Variants in GRID2IP observed in about 807,000 individuals in gnomAD.
GRID2IP encodes delphilin.
GRID2IP carries 78 observed loss-of-function variants against 114.3 expected under a neutral mutation model. The ratio of observed to expected loss-of-function variants is 0.68; its 90% CI spans 0.57 to 0.82. GRID2IP has a LOEUF of 0.82. Among genes scored for constraint, GRID2IP ranks in the 40% least tolerant of loss-of-function variants. The probability of loss-of-function intolerance (pLI) is 0.00; values close to 1 mark genes in which losing one functional copy is unlikely to be tolerated. For synonymous variants in GRID2IP, 809 were observed against 724.0 expected (o/e 1.12, Z -1.89); for missense variants, 1,727 against 1,678.5 (o/e 1.03, Z -0.51).
intron 2 of GRID2IP, among the ~76,000 whole-genome samples, chr7:6,537,221 C>G (rs1779740785): frequency 6.6e-6 from 1 of 151,968 alleles, no homozygotes; most frequent in Non-Finnish European, 1.5e-5. Context: ...AGGTGAGGAC[C>G]CACCAGTATT....
intron 4 of GRID2IP, among the ~76,000 whole-genome samples, chr7:6,522,190 G>C (rs1474503325): frequency 1.3e-5 from 2 of 151,832 alleles, no homozygotes; most frequent in African/African-American, 4.8e-5. Context: ...TCTCTACCAA[G>C]AAAAAAAATA....
intron 2 of GRID2IP, among the ~76,000 whole-genome samples, chr7:6,533,131 T>A (rs1779663837): frequency 6.6e-6 from 1 of 152,164 alleles, no homozygotes. Flanking sequence ...ACAGGGGTTG[T>A]GCTACTGGCA....
At chr7:6,502,752 A>G in intron 18 of GRID2IP, 34 bp downstream of exon 18, 1 of 1,492,562 alleles carries the variant, frequency 6.7e-7, no homozygotes. Context: ...CTGGTAGAGC[A>G]AACCAGTCGA....
At chr7:6,529,048 G>A (rs985205179) in intron 2 of GRID2IP, among the ~76,000 whole-genome samples, 8 of 152,104 alleles carry the variant, frequency 5.3e-5, no homozygotes, top group African/African-American at 1.7e-4. Flanking sequence ...CCTCACTTCC[G>A]GCTCCAGCCA....
Position 6,503,526 on chromosome 7 carries a change from C to G in GRID2IP, c.2872G>C (p.Gly958Arg). Residue 958 changes from glycine to arginine, a missense_variant, in exon 16 of 22, where the codon GGC becomes CGC. Transcript: ENST00000457091. ...AACTGGTCCGGCTCGCTGAGGCGGCCGGGCGCCTCGCGGAAGGCCTGGTAG... is the reference window on the plus strand; with the variant it reads ...AACTGGTCCGGCTCGCTGAGGCGGCGGGGCGCCTCGCGGAAGGCCTGGTAG... ...QRYQAFREAPGRLSEPDQFVL... is the reference protein window; with the variant it reads ...QRYQAFREAPRRLSEPDQFVL... 6.6e-7 allele frequency: 1 copy of G among 1,525,958 alleles called. No individual in the cohort carries two copies. The allele number at this position is 1,525,958 out of a possible 1,614,324, so 94.5% of individuals were successfully genotyped here.
rs556727116 is a variant in GRID2IP, at chr7:6,509,296, C to G, written c.1789G>C (p.Gly597Arg). ...AVTTGPRTLS[G>R]VSWPSERLLP... is the part of the protein sequence containing the mutation. ...AGTCGCTCGCTGGGCCATGAGACGC[C>G]GGACAGGGTCCTGGGCCCTGGAGGA... Residue 597 changes from glycine to arginine, a missense_variant, in exon 12 of 22, where the codon GGC becomes CGC. Physicochemically the swap from Gly to Arg is moderately radical, Grantham distance 125. Coordinates refer to ENST00000457091, the MANE Select transcript of GRID2IP (RefSeq NM_001145118.2). This position sits in a 1 kb window ranked among gnomAD's most constrained non-coding sequence, Gnocchi z 4.9. 3.9e-6 allele frequency: 6 copies of G among 1,521,246 alleles called. No individual in the cohort carries two copies. In the African/African-American group the frequency reaches 5.5e-5, roughly 14 times the overall value. 94.2% of individuals were successfully genotyped at this position (1,521,246 alleles called of 1,614,324 possible).
intron 1 of GRID2IP, among the ~76,000 whole-genome samples, chr7:6,545,270 C>A (rs1000696711): frequency 6.6e-6 from 1 of 152,038 alleles, no homozygotes; most frequent in Non-Finnish European, 1.5e-5. Flanking sequence ...CAGATCAAGA[C>A]CCTGTCTCCA....
rs1277440956 is a variant in GRID2IP, at chr7:6,503,626, C to T, written c.2772G>A (p.Met924Ile). Reference sequence around the variant, plus strand: ...GTGCGGGCTCCAGGCGCCGGGGCTCCATGCTCATCAGCACCTGGCGCAGCT... The same window carrying T: ...GTGCGGGCTCCAGGCGCCGGGGCTCTATGCTCATCAGCACCTGGCGCAGCT... ...PAELRQVLMSMEPRRLEPAHL... is the reference protein window; with the variant it reads ...PAELRQVLMSIEPRRLEPAHL... The change falls in exon 16 of 22, where the codon ATG (methionine) becomes ATA (isoleucine). Residue 924 changes from methionine to isoleucine, a missense_variant. Transcript: ENST00000457091. 1 of 1,528,312 alleles carries T rather than the reference C, an allele frequency of 6.5e-7. No individual in the cohort carries two copies. Among genetic ancestry groups the T allele is most frequent in the Admixed American group, 2.0e-5 (1 of 50,526 alleles). 94.7% of individuals were successfully genotyped at this position (1,528,312 alleles called of 1,614,324 possible). A position where few individuals can be genotyped will look rare whatever the true frequency, so the allele number is the denominator to read the frequency against.
chr7:6,532,828 G>A lies in GRID2IP; in HGVS notation c.585-6059C>T, dbSNP rs1186973099. Among the ~76,000 whole-genome samples, 1 of 152,174 alleles carries A rather than the reference G, an allele frequency of 6.6e-6. No individual in the cohort carries two copies. Among genetic ancestry groups the A allele is most frequent in the Non-Finnish European group, 1.5e-5 (1 of 68,024 alleles). On this transcript the variant is annotated intron_variant, in intron 2 of 21. Transcript: ENST00000457091. The surrounding 1 kb of genome is among the most constrained non-coding windows in gnomAD (Gnocchi z 4.4). ...CAGGAGATGCAACCAGGGAGCAGAC[G>A]CCCAGGGTCAAATCCAGGCACGCTA...
In GRID2IP at chr7:6,517,921, A is replaced by G. The variant is rs537533349; in HGVS notation, c.1268+2657T>C. Among the ~76,000 whole-genome samples, 17 of 151,500 alleles carry G rather than the reference A, an allele frequency of 1.1e-4. No individual in the cohort carries two copies. The South Asian group carries it at 2.3e-3, about 20-fold the overall frequency. On this transcript the variant is annotated intron_variant, in intron 7 of 21. Coordinates refer to ENST00000457091, the MANE Select transcript of GRID2IP (RefSeq NM_001145118.2). The stretch of plus-strand genomic sequence containing the variant: ...CTGCTTCAAAATAAATAAATAAATA[A>G]ATAAATAAATAAAATAAAATATACA...
At chr7:6,510,801 T>C in intron 9 of GRID2IP, 95 bp from the exon 10 acceptor site, 2 of 1,474,410 alleles carry the variant, frequency 1.4e-6, no homozygotes, top group Middle Eastern at 1.7e-4. Context: ...GGGCCAATCC[T>C]GAGCCCTGCT....
intron 4 of GRID2IP, among the ~76,000 whole-genome samples, chr7:6,525,195 T>C (rs987443189): frequency 1.3e-5 from 2 of 151,828 alleles, no homozygotes; most frequent in Non-Finnish European, 2.9e-5. Context: ...TAATCTCAGC[T>C]ACTCAGGAGG....
chr7:6,510,428 C>T, intron 10 of GRID2IP, 28 bp from the exon 11 acceptor site: 1 of 1,468,582 alleles, frequency 6.8e-7, no homozygotes, highest in Non-Finnish European at 9.1e-7. Context: ...AGAGTCCAGC[C>T]CATTCTGCTT....
At chr7:6,549,828 A>G (rs1353210382) in intron 1 of GRID2IP, among the ~76,000 whole-genome samples, 1 of 148,920 alleles carries the variant, frequency 6.7e-6, no homozygotes, top group Non-Finnish European at 1.5e-5. Flanking sequence ...ATGGGATTTC[A>G]CCACATTGCC....
rs1159675859 is a variant in GRID2IP at position 6,510,365 on chromosome 7, C to T, written c.1689G>A (p.Leu563=). The T allele has an allele frequency of 3.2e-5, 49 of 1,546,646 alleles. No individual in the cohort carries two copies. Among genetic ancestry groups the T allele is most frequent in the Non-Finnish European group, 4.1e-5 (47 of 1,144,786 alleles). The part of the protein sequence containing the change: ...SAVYAELESR[L]NSSFKGKMGT... ...CCATCTTCCCTTTGAAGCTGCTGTT[C>T]AGTCGAGACTCAAGCTCTGCATAGA... The change falls in exon 11 of 22, where the codon CTG becomes CTA. Residue 563 remains leucine, a synonymous_variant. Transcript: ENST00000457091.
chr7:6,507,378 T>C lies in GRID2IP; in HGVS notation c.2544+607A>G, dbSNP rs1481037500. On this transcript the variant is annotated intron_variant, in intron 13 of 21. Coordinates refer to ENST00000457091, the MANE Select transcript of GRID2IP (RefSeq NM_001145118.2). The surrounding 1 kb of genome is among the most constrained non-coding windows in gnomAD (Gnocchi z 5.3). ...GAAACCATGTTCTAAGAGAATGATC[T>C]GAAAAAAAAAAAAAGGGGTGGGGTG... Among the ~76,000 whole-genome samples, 2 of 133,424 alleles carry C rather than the reference T, an allele frequency of 1.5e-5. No homozygotes were observed. Among genetic ancestry groups the C allele is most frequent in the Admixed American group, 1.6e-4 (2 of 12,752 alleles). 87.5% of individuals were successfully genotyped at this position (133,424 alleles called of 152,430 possible).
intron 10 of GRID2IP, 21 bp from the exon 11 acceptor site, chr7:6,510,421 G>A: frequency 6.7e-7 from 1 of 1,485,394 alleles, no homozygotes; most frequent in Non-Finnish European, 9.0e-7. Context: ...ACGGGGGAGA[G>A]TCCAGCCCAT....
In GRID2IP at chr7:6,509,043, C is replaced by T. The variant is rs1000521206; in HGVS notation, c.2042G>A (p.Arg681His). The change falls in exon 12 of 22, where the codon CGC becomes CAC. Residue 681 changes from arginine (R) to histidine (H), a missense_variant. Coordinates refer to ENST00000457091, the MANE Select transcript of GRID2IP (RefSeq NM_001145118.2). The surrounding 1 kb of genome is among the most constrained non-coding windows in gnomAD (Gnocchi z 4.9). ...SHPVRSRDTD[R>H]FLDVLSEQLG... The stretch of plus-strand genomic sequence containing the variant: ...CTGCTCGCTCAGCACGTCCAGGAAG[C>T]GGTCAGTATCGCGGCTTCGCACAGG... 36 of 1,360,882 alleles carry T rather than the reference C, an allele frequency of 2.6e-5. No individual in the cohort carries two copies. Among genetic ancestry groups the T allele is most frequent in the Middle Eastern group, 2.1e-4 (1 of 4,752 alleles). The allele number at this position is 1,360,882 out of a possible 1,614,324, so 84.3% of individuals were successfully genotyped here.
chr7:6,512,199 G>GAGCC (rs887924771), intron 8 of GRID2IP, among the ~76,000 whole-genome samples: 7 of 143,094 alleles, frequency 4.9e-5, no homozygotes, highest in Non-Finnish European at 1.1e-4. Context: ...TTACAGATGT[G>GAGCC]AGCCACCACA....
Sources: allele counts gnomAD v4.1 joint callset (sites outside exome capture counted in the v4.1 genomes callset), GRCh38; gene constraint gnomAD v4.1.1; non-coding constraint Gnocchi (gnomAD v3.1); transcripts MANE v1.5; gene names NCBI Gene and HGNC (gene_info 2026-07-23, HGNC 2026-07-21).